CALCR: variants seen among roughly 807,000 people sequenced by gnomAD.
The protein encoded by CALCR is calcitonin receptor.
A neutral mutation model predicts 59.5 loss-of-function variants in CALCR; 47 were observed. The ratio of observed to expected loss-of-function variants is 0.79; its 90% CI spans 0.63 to 1.01. CALCR has a LOEUF of 1.01. Ranked by LOEUF, CALCR falls within the 50% of genes least tolerant of loss-of-function variation. The pLI is 0.00. For missense variants in CALCR, 566 were observed against 597.1 expected, an observed-to-expected ratio of 0.95 and a Z score of 0.54; for synonymous variants, 213 against 211.3, an observed-to-expected ratio of 1.01 and a Z score of -0.07.
intron 12 of CALCR, 128 bp downstream of exon 12, chr7:93,435,824 T>TAATA (rs140043489): frequency 8.2e-4 from 255 of 312,124 alleles, no homozygotes; most frequent in African/African-American, 2.6e-3. Flanking sequence ...TAAAATAAAA[T>TAATA]AATAAATAAA....
chr7:93,572,489 C>A (rs1563025469), intron 2 of CALCR, among the ~76,000 whole-genome samples: 1 of 152,072 alleles, frequency 6.6e-6, no homozygotes, highest in East Asian at 1.9e-4. Context: ...AATTTGCAGC[C>A]CGAGTTGAGA....
Position 93,435,965 on chromosome 7 carries a change from A to G in CALCR, c.1136T>C (p.Leu379Pro). ...GKIYDYVMHS[L>P]IHFQGFFVAT... ...TGGCTTCCTTACCTGGAAATGAATC[A>G]GAGAGTGCATCACGTAATCATATAT... The change falls in exon 12 of 14, where the codon CTG becomes CCG. Residue 379 changes from leucine to proline, a missense_variant. Transcript: ENST00000426151. 1 of 1,607,332 alleles carries G rather than the reference A, an allele frequency of 6.2e-7. No homozygotes were observed. The highest frequency in any genetic ancestry group is 8.5e-7 in the Non-Finnish European group (1 of 1,173,806).
chr7:93,450,646 C>T (rs1800090080), intron 8 of CALCR, among the ~76,000 whole-genome samples: 1 of 151,986 alleles, frequency 6.6e-6, no homozygotes, highest in Admixed American at 6.6e-5. Context: ...TCACAACTAT[C>T]TCCATTTTAA....
intron 2 of CALCR, among the ~76,000 whole-genome samples, chr7:93,492,433 C>A (rs1296235189): frequency 1.3e-5 from 2 of 151,172 alleles, no homozygotes; most frequent in Non-Finnish European, 3.0e-5. Flanking sequence ...ATACTTGTCC[C>A]CAAAAGGGTA....
chr7:93,489,686 G>GACACATA (rs1801031611), intron 2 of CALCR, among the ~76,000 whole-genome samples: 1 of 149,204 alleles, frequency 6.7e-6, no homozygotes, highest in Non-Finnish European at 1.5e-5. Context: ...TAAATTCCTG[G>GACACATA]TAACCTCCCA....
Position 93,496,015 on chromosome 7 carries a change from T to C in CALCR, c.-26-9008A>G, listed in dbSNP as rs1009001754. The C allele has an allele frequency of 5.4e-6, 6 of 1,112,652 alleles. No individual in the cohort carries two copies. In the Admixed American group the frequency reaches 1.2e-4, roughly 23 times the overall value. The allele number at this position is 1,112,652 out of a possible 1,614,324, so 68.9% of individuals were successfully genotyped here. ...ATGAAAATCAGTAAATCAATGATAA[T>C]GATTGAACAGAATGTCTTCATGTAA... On this transcript the variant is annotated intron_variant, in intron 2 of 13. Transcript: ENST00000426151.
chr7:93,551,296 T>G (rs1356991769), intron 2 of CALCR, among the ~76,000 whole-genome samples: 1 of 152,174 alleles, frequency 6.6e-6, no homozygotes, highest in Non-Finnish European at 1.5e-5. Flanking sequence ...GCTCAAGAAC[T>G]TAAAACGTGT....
rs117178783 is a variant in CALCR at position 93,470,706 on chromosome 7, T to C, written c.429+1669A>G. 8.2e-3 allele frequency among the ~76,000 whole-genome samples: 1,239 copies of C among 151,748 alleles called. 9 individuals are homozygous for C. Among genetic ancestry groups the C allele is most frequent in the Non-Finnish European group, 0.013 (870 of 67,830 alleles). ...TCAAATTTTAATGTGACTATATTTA[T>C]ATGGAAGATTTGTGGAAAGCATTTT... On this transcript the variant is annotated intron_variant, in intron 6 of 13. Transcript: ENST00000426151.
chr7:93,444,229 A>G (rs576828383), intron 8 of CALCR, among the ~76,000 whole-genome samples: 1 of 152,204 alleles, frequency 6.6e-6, no homozygotes, highest in East Asian at 1.9e-4. Flanking sequence ...TTTCATATAT[A>G]AACCCAGGAG....
At chr7:93,468,953 G>A in intron 6 of CALCR, 147 bp from the exon 7 acceptor site, 1 of 467,652 alleles carries the variant, frequency 2.1e-6, no homozygotes. Context: ...TTCAGATAGT[G>A]AAATTAATTT....
At chr7:93,461,043 A>G in intron 7 of CALCR, 96 bp from the exon 8 acceptor site, 1 of 1,034,188 alleles carries the variant, frequency 9.7e-7, no homozygotes, top group South Asian at 1.6e-5. Context: ...TTTTCTTTAA[A>G]AAAAAGATGA....
intron 2 of CALCR, among the ~76,000 whole-genome samples, chr7:93,505,269 T>C (rs192897670): frequency 6.5e-4 from 99 of 152,296 alleles, no homozygotes; most frequent in African/African-American, 2.3e-3. Flanking sequence ...CACATCCAGT[T>C]GCATCTGTTT....
chr7:93,525,392 C>A (rs1003350516), intron 2 of CALCR, among the ~76,000 whole-genome samples: 11 of 152,036 alleles, frequency 7.2e-5, no homozygotes, highest in African/African-American at 2.7e-4. Context: ...TCAGAAGTGA[C>A]CTGGTTGGAT....
intron 8 of CALCR, among the ~76,000 whole-genome samples, chr7:93,453,728 C>T (rs548226285): frequency 3.9e-5 from 6 of 151,902 alleles, no homozygotes; most frequent in Admixed American, 1.3e-4. Flanking sequence ...CCACCAAGAT[C>T]GGCCAAATGA....
At chr7:93,548,295 A>C (rs1563016410) in intron 2 of CALCR, among the ~76,000 whole-genome samples, 1 of 152,126 alleles carries the variant, frequency 6.6e-6, no homozygotes, top group Non-Finnish European at 1.5e-5. Context: ...AAACACTAGG[A>C]CTTGTTGGCA....
At chr7:93,538,995 C>T (rs1398643079) in intron 2 of CALCR, among the ~76,000 whole-genome samples, 1 of 152,100 alleles carries the variant, frequency 6.6e-6, no homozygotes, top group African/African-American at 2.4e-5. Flanking sequence ...AAATTCCACT[C>T]TATTCTTCTT....
intron 2 of CALCR, among the ~76,000 whole-genome samples, chr7:93,494,386 G>A (rs192780438): frequency 2.2e-4 from 34 of 151,532 alleles, no homozygotes; most frequent in Non-Finnish European, 4.9e-4. Context: ...TGGTCTTAAA[G>A]CCCCACACAT....
intron 8 of CALCR, among the ~76,000 whole-genome samples, chr7:93,458,924 T>A (rs1394227185): frequency 4.6e-5 from 7 of 152,204 alleles, no homozygotes; most frequent in African/African-American, 1.4e-4. Flanking sequence ...ATCATTAAAC[T>A]ATTTTGAATC....
chr7:93,494,066 G>T (rs564977483), intron 2 of CALCR, among the ~76,000 whole-genome samples: 1 of 151,458 alleles, frequency 6.6e-6, no homozygotes, highest in East Asian at 2.0e-4. Context: ...AGGATATGTA[G>T]AACACCACGG....
Sources: gnomAD v4.1 joint callset for allele counts (sites outside exome capture counted in the v4.1 genomes callset) on GRCh38, gnomAD v4.1.1 for gene constraint, MANE v1.5 for transcripts, NCBI Gene and HGNC (gene_info 2026-07-23, HGNC 2026-07-21) for gene names.